DNAH11: variants seen among roughly 807,000 people sequenced by gnomAD.
The protein encoded by DNAH11 is axonemal beta dynein heavy chain 11.
Under a neutral mutation model 526.0 loss-of-function variants are expected in DNAH11, and 442 were observed. The ratio of observed to expected loss-of-function variants is 0.84; its 90% confidence interval spans 0.78 to 0.91. The LOEUF is 0.91. Among genes scored for constraint, DNAH11 ranks in the 40% least tolerant of loss-of-function variants. The pLI, the probability that DNAH11 is intolerant of heterozygous loss-of-function variation, is 0.00. For synonymous variants in DNAH11, 2,461 were observed against 1,935.9 expected, an observed-to-expected ratio of 1.27 and a Z score of -7.12; for missense variants, 6,989 against 5,448.7, an observed-to-expected ratio of 1.28 and a Z score of -8.90.
chr7:21,852,482 C>T lies in DNAH11; in HGVS notation c.10912C>T (p.His3638Tyr), dbSNP rs776111425. The change falls in exon 67 of 82, where the codon CAC becomes TAC. Residue 3638 changes from histidine to tyrosine, a missense_variant. Physicochemically the swap from His to Tyr is moderately conservative, Grantham distance 83. Transcript: ENST00000409508. ...LEKLKLVLTK[H>Y]QNDFKIELKY... ...TTTTTATTAGTTGGTATTGACAAAG[C>T]ACCAAAATGATTTTAAAATTGAGCT... is the stretch of plus-strand genomic sequence containing the variant. The T allele has an allele frequency of 3.7e-6, 6 of 1,611,714 alleles. 1 individual carries two copies. The South Asian group carries it at 6.6e-5, about 18-fold the overall frequency.
intron 63 of DNAH11, among the ~76,000 whole-genome samples, chr7:21,813,937 C>T (rs140504459): frequency 1.8e-4 from 28 of 152,274 alleles, no homozygotes; most frequent in African/African-American, 6.0e-4. Context: ...TAATATGTCA[C>T]TTAATGAAGG....
At chr7:21,773,641 C>A in intron 55 of DNAH11, 125 bp from the exon 56 acceptor site, 1 of 712,528 alleles carries the variant, frequency 1.4e-6, no homozygotes, top group Non-Finnish European at 2.2e-6. Context: ...AATAAGTTTT[C>A]GTAGGTTATA....
chr7:21,879,190 G>C (rs1431614499), intron 74 of DNAH11, among the ~76,000 whole-genome samples: 1 of 151,780 alleles, frequency 6.6e-6, no homozygotes, highest in East Asian at 1.9e-4. Context: ...ACAGTGACTT[G>C]TGACTGTAAT....
chr7:21,741,614 G>A (rs1785902086), intron 48 of DNAH11, among the ~76,000 whole-genome samples: 1 of 152,150 alleles, frequency 6.6e-6, no homozygotes, highest in Non-Finnish European at 1.5e-5. Flanking sequence ...GGCTTTGGCT[G>A]GAGTGACTGT....
At chr7:21,764,790 A>G (rs1290263461) in intron 54 of DNAH11, among the ~76,000 whole-genome samples, 3 of 152,256 alleles carry the variant, frequency 2.0e-5, no homozygotes, top group African/African-American at 7.2e-5. Context: ...CTTTTAGGTC[A>G]TTACATAGCT....
chr7:21,581,530 G>A (rs1784305994), intron 8 of DNAH11, among the ~76,000 whole-genome samples: 1 of 152,154 alleles, frequency 6.6e-6, no homozygotes, highest in Admixed American at 6.5e-5. Context: ...AATGAGGATA[G>A]GTTCTTTTTT....
chr7:21,719,124 T>C (rs923290397), intron 43 of DNAH11, among the ~76,000 whole-genome samples: 2 of 152,210 alleles, frequency 1.3e-5, no homozygotes, highest in Non-Finnish European at 2.9e-5. Flanking sequence ...GGAATTAATA[T>C]GATTTCTGCT....
Position 21,561,182 on chromosome 7 carries a change from G to C in DNAH11, c.982+12G>C. 1 of 1,559,198 alleles carries C rather than the reference G, an allele frequency of 6.4e-7. No homozygotes were observed. The highest frequency in any genetic ancestry group is 1.2e-5 in the South Asian group (1 of 85,568). On this transcript the variant is annotated intron_variant, in intron 5 of 81. Transcript: ENST00000409508. ...GGCTGTGGAAAATGGTAAGACTCTT[G>C]TTCCTCAGCCTGGCATCAATATCAC...
rs1368720028 is a variant in DNAH11 at position 21,899,423 on chromosome 7, C to T, written c.13137C>T (p.Phe4379=). ...TLPAVVWLSG[F]FNPQSFLTAI... is the part of the protein sequence containing the mutation. Reference sequence around the variant, plus strand: ...CGGCTGTCGTGTGGCTCTCCGGCTTCTTCAACCCTCAGTCCTTCTTAACTG... The same window carrying T: ...CGGCTGTCGTGTGGCTCTCCGGCTTTTTCAACCCTCAGTCCTTCTTAACTG... Residue 4379 remains phenylalanine, a synonymous_variant, in exon 80 of 82, where the codon TTC becomes TTT. Transcript: ENST00000409508. 6.2e-7 allele frequency: 1 copy of T among 1,613,828 alleles called. No homozygotes were observed. Among genetic ancestry groups the T allele is most frequent in the Non-Finnish European group, 8.5e-7 (1 of 1,179,760 alleles).
chr7:21,561,059 C>A lies in DNAH11; in HGVS notation c.883-12C>A. 1 of 1,549,508 alleles carries A rather than the reference C, an allele frequency of 6.5e-7. No homozygotes were observed. Among genetic ancestry groups the A allele is most frequent in the Non-Finnish European group, 8.8e-7 (1 of 1,141,734 alleles). ...TATTTATTAAAGTTCTTCTTTTTTT[C>A]CTTTAACTTAGCTTCAGGCACCTGT... On this transcript the variant is annotated splice_polypyrimidine_tract_variant and intron_variant, in intron 4 of 81. Coordinates refer to ENST00000409508, the MANE Select transcript of DNAH11 (RefSeq NM_001277115.2).
chr7:21,653,201 T>C (rs762600547), intron 28 of DNAH11, among the ~76,000 whole-genome samples: 1 of 152,150 alleles, frequency 6.6e-6, no homozygotes, highest in African/African-American at 2.4e-5. Flanking sequence ...AGTTGTAAAA[T>C]GAAAGGCCTT....
At chr7:21,865,691 A>G in intron 70 of DNAH11, among the ~76,000 whole-genome samples, 1 of 152,238 alleles carries the variant, frequency 6.6e-6, no homozygotes, top group East Asian at 1.9e-4. Flanking sequence ...CCAGACCCCA[A>G]GAGAGGTTCT....
At position 21,604,525 on chromosome 7, in the gene DNAH11, T is replaced by C. The variant is rs1314324130; in HGVS notation, c.3649-1901T>C. 2.0e-5 allele frequency among the ~76,000 whole-genome samples: 3 copies of C among 152,144 alleles called. No homozygotes were observed. In the South Asian group the frequency reaches 6.2e-4, roughly 32 times the overall value. The stretch of plus-strand genomic sequence containing the variant: ...GCTCACACACTCACACCATCCTGTA[T>C]TGGTCGTCATACCTCAAGGGATCTC... On this transcript the variant is annotated intron_variant, in intron 18 of 81. Transcript: ENST00000409508.
chr7:21,705,203 T>C (rs1273196209), intron 38 of DNAH11, among the ~76,000 whole-genome samples: 1 of 152,188 alleles, frequency 6.6e-6, no homozygotes, highest in Non-Finnish European at 1.5e-5. Context: ...TTAATGATTT[T>C]TGTAAGTAAC....
chr7:21,844,285 G>C (rs966134788), intron 66 of DNAH11, among the ~76,000 whole-genome samples: 2 of 152,164 alleles, frequency 1.3e-5, no homozygotes, highest in South Asian at 4.1e-4. Context: ...AATTAGCCAA[G>C]TGTGGTGGTG....
rs767315527 is a variant in DNAH11 at position 21,616,189 on chromosome 7, A to G, written c.4012-20A>G. 4 of 1,604,104 alleles carry G rather than the reference A, an allele frequency of 2.5e-6. No individual in the cohort carries two copies. The highest frequency in any genetic ancestry group is 1.3e-5 in the African/African-American group (1 of 74,778). On this transcript the variant is annotated intron_variant, in intron 21 of 81. Transcript: ENST00000409508. ...TTCACCAAATGTTGTTGACACTTTTATCTGCTTTTGCGTTTTCAGAGAAGC... is the reference window on the plus strand; with the variant it reads ...TTCACCAAATGTTGTTGACACTTTTGTCTGCTTTTGCGTTTTCAGAGAAGC...
At chr7:21,581,617 T>G (rs1784308661) in intron 8 of DNAH11, among the ~76,000 whole-genome samples, 2 of 152,208 alleles carry the variant, frequency 1.3e-5, no homozygotes, top group African/African-American at 2.4e-5. Flanking sequence ...GGCTTCTATG[T>G]GAGCATGTGA....
rs369210437 is a variant in DNAH11, at chr7:21,900,078, C to T, written c.13261C>T (p.Pro4421Ser). 29 of 1,613,768 alleles carry T rather than the reference C, an allele frequency of 1.8e-5. No homozygotes were observed. The highest frequency in any genetic ancestry group is 2.1e-5 in the Non-Finnish European group (25 of 1,179,846). The change falls in exon 81 of 82, where the codon CCG becomes TCG. Residue 4421 changes from proline (P) to serine (S), a missense_variant. Physicochemically the swap from Pro to Ser is moderately conservative, Grantham distance 74 (BLOSUM62 -1). Coordinates refer to ENST00000409508, the MANE Select transcript of DNAH11 (RefSeq NM_001277115.2). ...AAAAACAAAGGAAGATTATGGACAC[C>T]CGCCAAGGGAAGGTGCATACCTCCA... is the stretch of plus-strand genomic sequence containing the variant. ...TKKTKEDYGH[P>S]PREGAYLHGL...
chr7:21,604,441 G>C (rs1785207441), intron 18 of DNAH11, among the ~76,000 whole-genome samples: 1 of 152,104 alleles, frequency 6.6e-6, no homozygotes, highest in Non-Finnish European at 1.5e-5. Flanking sequence ...TCCCTTTTCT[G>C]CTCAGAAACC....
Sources: allele counts gnomAD v4.1 joint callset (sites outside exome capture counted in the v4.1 genomes callset), GRCh38; gene constraint gnomAD v4.1.1; transcripts MANE v1.5; gene names NCBI Gene and HGNC (gene_info 2026-07-23, HGNC 2026-07-21).